The following XYLT1 variants were observed in gnomAD, a reference collection of about 807,000 sequenced individuals.
XYLT1 encodes beta-D-xylosyltransferase 1.
Under a neutral mutation model 91.3 loss-of-function variants are expected in XYLT1, and 36 were observed. The ratio of observed to expected loss-of-function variants is 0.39; its 90% CI spans 0.30 to 0.52. The LOEUF (loss-of-function observed/expected upper bound fraction) is 0.52. Ranked by LOEUF, XYLT1 falls within the 20% of genes least tolerant of loss-of-function variation. The pLI is 0.68. For missense variants in XYLT1, 1,242 were observed against 1,284.5 expected (o/e 0.97, Z 0.51); for synonymous variants, 588 against 532.0 (o/e 1.11, Z -1.45).
At chr16:17,432,304 A>C (rs35193106) in intron 1 of XYLT1, among the ~76,000 whole-genome samples, 13,093 of 152,314 alleles carry the variant, frequency 0.086, 774 homozygotes, top group Non-Finnish European at 0.14. Context: ...CAACAGCCCC[A>C]AAAGCAGAAA....
At chr16:17,397,407 G>A (rs754850321) in intron 1 of XYLT1, among the ~76,000 whole-genome samples, 7 of 152,104 alleles carry the variant, frequency 4.6e-5, no homozygotes, top group Non-Finnish European at 1.5e-5. Context: ...ACATTGGATG[G>A]CTGGGATACA....
At chr16:17,130,976 G>A (rs889397921) in intron 9 of XYLT1, among the ~76,000 whole-genome samples, 7 of 151,834 alleles carry the variant, frequency 4.6e-5, no homozygotes, top group Non-Finnish European at 1.0e-4. Flanking sequence ...TTCATTTTTT[G>A]CACAGCATTT....
At chr16:17,451,206 G>T (rs2036661536) in intron 1 of XYLT1, among the ~76,000 whole-genome samples, 2 of 152,136 alleles carry the variant, frequency 1.3e-5, no homozygotes, top group African/African-American at 2.4e-5. Context: ...CCATTAGCAG[G>T]GCTGTTGGGA....
chr16:17,345,163 A>G (rs1201948003), intron 2 of XYLT1, among the ~76,000 whole-genome samples: 1 of 151,950 alleles, frequency 6.6e-6, no homozygotes, highest in African/African-American at 2.4e-5. Flanking sequence ...TACTCTGACC[A>G]CTCGTCATCC....
chr16:17,279,196 G>A (rs1354837850), intron 2 of XYLT1, among the ~76,000 whole-genome samples: 1 of 152,218 alleles, frequency 6.6e-6, no homozygotes, highest in Non-Finnish European at 1.5e-5. Flanking sequence ...GCTAAAGCCA[G>A]ACTACCTGGG....
chr16:17,162,638 C>T (rs937650266), intron 5 of XYLT1, among the ~76,000 whole-genome samples: 13 of 152,140 alleles, frequency 8.5e-5, no homozygotes, highest in South Asian at 4.1e-4. Flanking sequence ...AAAATACAGG[C>T]GCAATAATGT....
In XYLT1 at chr16:17,106,729, G is replaced by A. The variant is rs950765967; in HGVS notation, c.*1966C>T. The A allele has an allele frequency of 1.3e-5, 2 of 152,172 alleles. No individual in the cohort carries two copies. Among genetic ancestry groups the A allele is most frequent in the African/African-American group, 4.8e-5 (2 of 41,422 alleles). 9.4% of individuals were successfully genotyped at this position (152,172 alleles called of 1,614,324 possible). A position where few individuals can be genotyped will look rare whatever the true frequency, so the allele number is the denominator to read the frequency against. On this transcript the variant is annotated 3_prime_UTR_variant, in exon 12 of 12. Coordinates refer to ENST00000261381, the MANE Select transcript of XYLT1 (RefSeq NM_022166.4). ...CTGTCACCTCCTTGTGCCTGTGACG[G>A]GGGGTGAGTAGGGGGAGGATGGGAG...
intron 5 of XYLT1, among the ~76,000 whole-genome samples, chr16:17,186,450 A>G (rs1597177200): frequency 1.4e-5 from 2 of 145,032 alleles, no homozygotes; most frequent in African/African-American, 5.2e-5. Flanking sequence ...ACAGGGGTGC[A>G]CCACCACACC....
intron 2 of XYLT1, among the ~76,000 whole-genome samples, chr16:17,261,048 A>G (rs1259983838): frequency 6.6e-6 from 1 of 152,108 alleles, no homozygotes; most frequent in Non-Finnish European, 1.5e-5. Context: ...AGCCTGGTCA[A>G]CATGGCAAAA....
In XYLT1 at chr16:17,117,866, G is replaced by T. The variant is rs779548774; in HGVS notation, c.2337C>A (p.Thr779=). The T allele has an allele frequency of 1.4e-5, 22 of 1,613,922 alleles. No individual in the cohort carries two copies. Among genetic ancestry groups the T allele is most frequent in the Middle Eastern group, 1.6e-4 (1 of 6,084 alleles). ...MQKWGKGPNV[T]VTVIWVDPVN... is the part of the protein sequence containing the mutation. ...CGGGATCCACCCAAATGACGGTCAC[G>T]GTCACATTAGGTCCCTTCCCCCACT... is the stretch of plus-strand genomic sequence containing the variant. The change falls in exon 11 of 12, where the codon ACC becomes ACA. Residue 779 remains threonine (T), a synonymous_variant. Coordinates refer to ENST00000261381, the MANE Select transcript of XYLT1 (RefSeq NM_022166.4).
At chr16:17,447,113 T>C (rs765458029) in intron 1 of XYLT1, among the ~76,000 whole-genome samples, 24 of 152,000 alleles carry the variant, frequency 1.6e-4, no homozygotes, top group South Asian at 4.1e-4. Flanking sequence ...CACCAACTCA[T>C]AGACTGTCAC....
At chr16:17,273,046 A>C (rs2033919998) in intron 2 of XYLT1, among the ~76,000 whole-genome samples, 1 of 152,204 alleles carries the variant, frequency 6.6e-6, no homozygotes, top group Non-Finnish European at 1.5e-5. Context: ...TGGACAATGA[A>C]GAGCTGTCCT....
chr16:17,463,797 T>C (rs1369469868), intron 1 of XYLT1, among the ~76,000 whole-genome samples: 1 of 152,262 alleles, frequency 6.6e-6, no homozygotes, highest in Non-Finnish European at 1.5e-5. Context: ...CCATGCTTAC[T>C]GCAACATTCT....
chr16:17,333,964 C>T (rs148943841), intron 2 of XYLT1, among the ~76,000 whole-genome samples: 185 of 152,214 alleles, frequency 1.2e-3, no homozygotes, highest in African/African-American at 4.1e-3. Context: ...AGAAGAGTTC[C>T]GCTATCATGC....
At position 17,317,629 on chromosome 16, in the gene XYLT1, C is replaced by CAA. The variant is rs35666149; in HGVS notation, c.402+40381_402+40382dup. Among the ~76,000 whole-genome samples the CAA allele has an allele frequency of 1.2e-3, 70 of 58,004 alleles. 3 individuals are homozygous for CAA. The highest frequency in any genetic ancestry group is 3.4e-3 in the African/African-American group (48 of 14,270). The allele number at this position is 58,004 out of a possible 152,430, so 38.1% of individuals were successfully genotyped here. On this transcript the variant is annotated intron_variant, in intron 2 of 11. Coordinates refer to ENST00000261381, the MANE Select transcript of XYLT1 (RefSeq NM_022166.4). ...TGGGCCACGGTGGGAGACGCTGTCTCAAAAAAAAAAAAAAAAAAAAAAAAA... is the reference window on the plus strand; with the variant it reads ...TGGGCCACGGTGGGAGACGCTGTCTCAAAAAAAAAAAAAAAAAAAAAAAAAAA...
chr16:17,184,572 A>G (rs2032142880), intron 5 of XYLT1, among the ~76,000 whole-genome samples: 2 of 152,154 alleles, frequency 1.3e-5, no homozygotes, highest in African/African-American at 2.4e-5. Context: ...TATCAAATTG[A>G]AAATTTAGTT....
intron 2 of XYLT1, among the ~76,000 whole-genome samples, chr16:17,347,367 C>A (rs1258852429): frequency 1.3e-5 from 2 of 152,070 alleles, no homozygotes; most frequent in Non-Finnish European, 2.9e-5. Flanking sequence ...AATGCCTTTA[C>A]CAACTTGGGA....
At chr16:17,244,026 G>A (rs908803034) in intron 3 of XYLT1, among the ~76,000 whole-genome samples, 1 of 152,180 alleles carries the variant, frequency 6.6e-6, no homozygotes, top group Non-Finnish European at 1.5e-5. Flanking sequence ...TTAGATGCCA[G>A]TAGTACCCCC....
chr16:17,259,439 G>A lies in XYLT1; in HGVS notation c.462C>T (p.Asn154=). The A allele has an allele frequency of 6.2e-7, 1 of 1,613,852 alleles. No homozygotes were observed. Among genetic ancestry groups the A allele is most frequent in the Non-Finnish European group, 8.5e-7 (1 of 1,179,990 alleles). The change falls in exon 3 of 12, where the codon AAC becomes AAT. Residue 154 remains asparagine, a synonymous_variant. Coordinates refer to ENST00000261381, the MANE Select transcript of XYLT1 (RefSeq NM_022166.4). The part of the protein sequence containing the change: ...EKVRTDSNNE[N]SVPKDFENVD... ...CATTCTCAAAGTCTTTGGGGACAGA[G>A]TTCTCGTTGTTGCTGTCTGTTCGCA...
Sources: gnomAD v4.1 joint callset for allele counts (sites outside exome capture counted in the v4.1 genomes callset) on GRCh38, gnomAD v4.1.1 for gene constraint, MANE v1.5 for transcripts, NCBI Gene and HGNC (gene_info 2026-07-23, HGNC 2026-07-21) for gene names.